Variants in PAPSS2 observed in about 807,000 individuals in gnomAD.
The protein encoded by PAPSS2 is bifunctional 3'-phosphoadenosine 5'-phosphosulfate synthase 2.
Under a neutral mutation model 66.5 loss-of-function variants are expected in PAPSS2, and 61 were observed. The ratio of observed to expected loss-of-function variants is 0.92; its 90% CI spans 0.75 to 1.14. The LOEUF is 1.14. Among genes scored for constraint, PAPSS2 ranks in the 50% most tolerant of loss-of-function variants. The pLI, the probability that PAPSS2 is intolerant of heterozygous loss-of-function variation, is 0.00. For synonymous variants in PAPSS2, 289 were observed against 287.5 expected (o/e 1.01, Z -0.05); for missense variants, 708 against 789.6 (o/e 0.90, Z 1.24).
intron 1 of PAPSS2, among the ~76,000 whole-genome samples, chr10:87,680,597 T>C (rs1053558715): frequency 2.6e-5 from 4 of 151,312 alleles, no homozygotes; most frequent in African/African-American, 9.7e-5. Context: ...TTTTTAAACT[T>C]TTAAAGTATA....
In PAPSS2 at chr10:87,745,896, C is replaced by T. The variant is rs373121598; in HGVS notation, c.1786C>T (p.Pro596Ser). ...GAAGCTCGCCCGGGAAGGAGAGAATCCCCCAGATGGCTTCATGGCCCCCAA... is the reference window on the plus strand; with the variant it reads ...GAAGCTCGCCCGGGAAGGAGAGAATTCCCCAGATGGCTTCATGGCCCCCAA... ...MRKLAREGEN[P>S]PDGFMAPKAW... The change falls in exon 13 of 13, where the codon CCC becomes TCC. Residue 596 changes from proline (P) to serine (S), a missense_variant. Pro to Ser is a moderately conservative substitution (Grantham distance 74). Transcript: ENST00000456849. 4.3e-5 allele frequency: 69 copies of T among 1,613,906 alleles called. No individual in the cohort carries two copies. The highest frequency in any genetic ancestry group is 5.8e-5 in the Non-Finnish European group (68 of 1,179,846).
intron 1 of PAPSS2, among the ~76,000 whole-genome samples, chr10:87,705,947 T>C (rs1318940483): frequency 2.6e-5 from 4 of 151,202 alleles, no homozygotes; most frequent in Non-Finnish European, 4.4e-5. Context: ...TTGGCCAGGC[T>C]ACTCTTGAAC....
At chr10:87,674,306 A>G (rs1852917550) in intron 1 of PAPSS2, among the ~76,000 whole-genome samples, 1 of 152,162 alleles carries the variant, frequency 6.6e-6, no homozygotes, top group African/African-American at 2.4e-5. Context: ...CTGGGATTAC[A>G]GGCACGTGCC....
chr10:87,703,909 A>G, intron 1 of PAPSS2: 2 of 501,128 alleles, frequency 4.0e-6, no homozygotes, highest in East Asian at 5.5e-5. Context: ...ACACAGCAAG[A>G]CAGACATTTT....
At chr10:87,739,511 G>C (rs556851811) in intron 9 of PAPSS2, among the ~76,000 whole-genome samples, 6 of 152,106 alleles carry the variant, frequency 3.9e-5, no homozygotes, top group African/African-American at 1.4e-4. Context: ...TTTTCCCCCA[G>C]GGTCTCTAAT....
rs367885911 is a variant in PAPSS2 at position 87,713,312 on chromosome 10, T to TAAAAA, written c.381+20_381+24dup. The TAAAAA allele has an allele frequency of 0.099, 56,100 of 565,530 alleles. 5,994 individuals are homozygous for TAAAAA. The highest frequency in any genetic ancestry group is 0.25 in the African/African-American group (7,804 of 30,844). 35.0% of individuals were successfully genotyped at this position (565,530 alleles called of 1,614,324 possible). A position where few individuals can be genotyped will look rare whatever the true frequency, so the allele number is the denominator to read the frequency against. On this transcript the variant is annotated splice_region_variant and intron_variant, in intron 3 of 12. Transcript: ENST00000456849. ...AGCTTTATTTCTCCATTCGCAAAGGTAAAAAAAAAAAAAAAAAAAAAAGGC... is the reference window on the plus strand; with the variant it reads ...AGCTTTATTTCTCCATTCGCAAAGGTAAAAAAAAAAAAAAAAAAAAAAAAAAAGGC...
intron 8 of PAPSS2, among the ~76,000 whole-genome samples, chr10:87,725,227 C>A (rs544042689): frequency 5.7e-4 from 87 of 152,286 alleles, no homozygotes; most frequent in Middle Eastern, 3.4e-3. Context: ...ATAACATCAA[C>A]CATCACAGTT....
rs1304990011 is a variant in PAPSS2, at chr10:87,706,140, G to GTGTGTGTGTGTA, written c.28-3055_28-3054insGTGTGTGTGTAT. On this transcript the variant is annotated intron_variant, in intron 1 of 12. Transcript: ENST00000456849. Reference sequence around the variant, plus strand: ...TGTGTGTGTGTGTGTGTGTGTGTGTGTATATATATACCCTCTCCCTCAGAG... The same window carrying GTGTGTGTGTGTA: ...TGTGTGTGTGTGTGTGTGTGTGTGTGTGTGTGTGTGTATATATATATACCCTCTCCCTCAGAG... Among the ~76,000 whole-genome samples the GTGTGTGTGTGTA allele has an allele frequency of 1.7e-3, 198 of 113,144 alleles. 3 individuals carry two copies. Among genetic ancestry groups the GTGTGTGTGTGTA allele is most frequent in the African/African-American group, 7.0e-3 (185 of 26,602 alleles). 74.2% of individuals were successfully genotyped at this position (113,144 alleles called of 152,430 possible). A position where few individuals can be genotyped will look rare whatever the true frequency, so the allele number is the denominator to read the frequency against.
chr10:87,668,131 T>C (rs1209992587), intron 1 of PAPSS2, among the ~76,000 whole-genome samples: 1 of 152,222 alleles, frequency 6.6e-6, no homozygotes, highest in African/African-American at 2.4e-5. Context: ...AATTCATGCC[T>C]TCCCAATTTC....
chr10:87,713,953 A>T lies in PAPSS2; in HGVS notation c.382-91A>T, dbSNP rs1388648953. 7.4e-6 allele frequency: 10 copies of T among 1,344,714 alleles called. No individual in the cohort carries two copies. In the African/African-American group the frequency reaches 1.1e-4, roughly 15 times the overall value. The allele number at this position is 1,344,714 out of a possible 1,614,324, so 83.3% of individuals were successfully genotyped here. A position where few individuals can be genotyped will look rare whatever the true frequency, so the allele number is the denominator to read the frequency against. On this transcript the variant is annotated intron_variant, in intron 3 of 12. Coordinates refer to ENST00000456849, the MANE Select transcript of PAPSS2 (RefSeq NM_001015880.2). ...AAGCACAAACCCCAGTGTTATCTCAAGGCTATTGAAAACCAAAGTACACAG... is the reference window on the plus strand; with the variant it reads ...AAGCACAAACCCCAGTGTTATCTCATGGCTATTGAAAACCAAAGTACACAG...
chr10:87,668,366 A>G (rs191297952), intron 1 of PAPSS2, among the ~76,000 whole-genome samples: 1 of 152,216 alleles, frequency 6.6e-6, no homozygotes, highest in East Asian at 1.9e-4. Context: ...TGACCAAACC[A>G]GGATCTCTAT....
intron 1 of PAPSS2, among the ~76,000 whole-genome samples, chr10:87,701,233 C>A (rs989598337): frequency 9.5e-6 from 1 of 105,798 alleles, no homozygotes; most frequent in African/African-American, 5.3e-5. Context: ...TAATAATTTT[C>A]TTTCTTTTTT....
chr10:87,721,877 G>GA, intron 8 of PAPSS2, 107 bp downstream of exon 8: 4 of 688,346 alleles, frequency 5.8e-6, no homozygotes, highest in Non-Finnish European at 7.4e-6. Context: ...TTAACCAGTT[G>GA]GAATCGCTAT....
chr10:87,682,636 G>A (rs551199603), intron 1 of PAPSS2, among the ~76,000 whole-genome samples: 1 of 152,228 alleles, frequency 6.6e-6, no homozygotes, highest in South Asian at 2.1e-4. Context: ...TCATGAAATG[G>A]TAAAGAAAAT....
rs759284893 is a variant in PAPSS2, at chr10:87,727,288, C to T, written c.885C>T (p.Gly295=). The part of the protein sequence containing the change: ...TLLDGMALPD[G]VINMSIPIVL... ...ATCACATGGCTCTTTCCACAGATGGCGTGATCAACATGAGCATCCCCATTG... is the reference window on the plus strand; with the variant it reads ...ATCACATGGCTCTTTCCACAGATGGTGTGATCAACATGAGCATCCCCATTG... The change falls in exon 9 of 13, where the codon GGC becomes GGT. Residue 295 remains glycine (G), a synonymous_variant. Transcript: ENST00000456849. The T allele has an allele frequency of 3.0e-5, 49 of 1,612,534 alleles. No homozygotes were observed. In the African/African-American group the frequency reaches 5.2e-4, roughly 17 times the overall value.
At chr10:87,663,314 G>A (rs1422996998) in intron 1 of PAPSS2, among the ~76,000 whole-genome samples, 3 of 151,980 alleles carry the variant, frequency 2.0e-5, no homozygotes, top group Non-Finnish European at 2.9e-5. Flanking sequence ...GTTTTGCCAC[G>A]TTGGTCAGGC....
In PAPSS2 at chr10:87,673,852, C is replaced by T. The variant is rs117073560; in HGVS notation, c.27+13844C>T. ...TCACTGAATACTTTTAGGAACTCTA[C>T]AGAACATTAAAATATAAAATTAATA... On this transcript the variant is annotated intron_variant, in intron 1 of 12. Coordinates refer to ENST00000456849, the MANE Select transcript of PAPSS2 (RefSeq NM_001015880.2). Among the ~76,000 whole-genome samples, 64 of 152,086 alleles carry T rather than the reference C, an allele frequency of 4.2e-4. No individual in the cohort carries two copies. The East Asian group carries it at 0.012, about 27-fold the overall frequency.
intron 9 of PAPSS2, among the ~76,000 whole-genome samples, chr10:87,734,697 A>ATG: frequency 7.6e-6 from 1 of 131,168 alleles, no homozygotes; most frequent in African/African-American, 2.9e-5. Context: ...ATATATATAT[A>ATG]TATATATATG....
At chr10:87,716,344 C>T (rs1853532032) in intron 7 of PAPSS2, among the ~76,000 whole-genome samples, 1 of 152,196 alleles carries the variant, frequency 6.6e-6, no homozygotes, top group African/African-American at 2.4e-5. Flanking sequence ...ATGGTTTCAT[C>T]CACTACACTC....
Sources: gnomAD v4.1 joint callset for allele counts (sites outside exome capture counted in the v4.1 genomes callset) on GRCh38, gnomAD v4.1.1 for gene constraint, MANE v1.5 for transcripts, NCBI Gene and HGNC (gene_info 2026-07-23, HGNC 2026-07-21) for gene names.